RAB2B: variants seen among roughly 807,000 people sequenced by gnomAD.
RAB2B encodes RAB2B, member RAS oncogene family.
A neutral mutation model predicts 29.8 loss-of-function variants in RAB2B; 20 were observed. The ratio of observed to expected loss-of-function variants is 0.67; its 90% confidence interval spans 0.47 to 0.97. The LOEUF (loss-of-function observed/expected upper bound fraction) is 0.97, where lower values mean the gene tolerates loss of function less well. RAB2B is among the 50% of genes least tolerant of loss of function. The pLI is 0.00. For missense variants in RAB2B, 218 were observed against 272.0 expected, an observed-to-expected ratio of 0.80 and a Z score of 1.40; for synonymous variants, 93 against 91.7, an observed-to-expected ratio of 1.01 and a Z score of -0.08.
Position 21,460,486 on chromosome 14 carries a change from G to A in RAB2B, c.*710C>T. ...TGTAGTCCCAGCTACTCGGGAGGTT[G>A]AGGCAGGAGAACTGCTTGAACCTGG... On this transcript the variant is annotated 3_prime_UTR_variant, in exon 8 of 8. Coordinates refer to ENST00000397762, the MANE Select transcript of RAB2B (RefSeq NM_032846.4). 1.4e-5 allele frequency: 4 copies of A among 292,158 alleles called. No individual in the cohort carries two copies. The highest frequency in any genetic ancestry group is 2.1e-5 in the Non-Finnish European group (3 of 146,068). The allele number at this position is 292,158 out of a possible 1,614,324, so 18.1% of individuals were successfully genotyped here.
intron 3 of RAB2B, among the ~76,000 whole-genome samples, chr14:21,472,409 A>T (rs1198306576): frequency 6.6e-6 from 1 of 152,214 alleles, no homozygotes; most frequent in East Asian, 1.9e-4. Context: ...ATGGGTTTGG[A>T]AGTAAGTGAG....
intron 3 of RAB2B, among the ~76,000 whole-genome samples, chr14:21,474,328 C>G (rs1890894411): frequency 6.6e-6 from 1 of 152,176 alleles, no homozygotes; most frequent in Admixed American, 6.5e-5. Context: ...AGGAATGAGA[C>G]AGATCTATAT....
intron 5 of RAB2B, among the ~76,000 whole-genome samples, chr14:21,464,751 C>T (rs1215588327): frequency 6.6e-6 from 1 of 152,192 alleles, no homozygotes; most frequent in African/African-American, 2.4e-5. Flanking sequence ...TGCCTATAAT[C>T]CCAGCACTGT....
chr14:21,461,894 T>C (rs1251961175), intron 7 of RAB2B, among the ~76,000 whole-genome samples: 1 of 152,168 alleles, frequency 6.6e-6, no homozygotes, highest in East Asian at 1.9e-4. Context: ...TAAGGGACAA[T>C]GTTATACTTA....
intron 3 of RAB2B, among the ~76,000 whole-genome samples, chr14:21,469,099 A>G (rs533833420): frequency 6.6e-6 from 1 of 151,768 alleles, no homozygotes; most frequent in South Asian, 2.1e-4. Context: ...ACATTTCCCA[A>G]TATCCTCATA....
In RAB2B at chr14:21,460,180, G is replaced by T. The variant is rs770592758; in HGVS notation, c.*1016C>A. ...GAAGAAAAAAACTCAATGAAATTCC[G>T]AGGCAGAGGATCTATCAACCAAAGG... On this transcript the variant is annotated 3_prime_UTR_variant, in exon 8 of 8. Transcript: ENST00000397762. The T allele has an allele frequency of 1.9e-6, 1 of 518,970 alleles. No homozygotes were observed. Among genetic ancestry groups the T allele is most frequent in the Middle Eastern group, 3.2e-4 (1 of 3,146 alleles). The allele number at this position is 518,970 out of a possible 1,614,324, so 32.1% of individuals were successfully genotyped here.
At chr14:21,471,251 A>C (rs1890806263) in intron 3 of RAB2B, among the ~76,000 whole-genome samples, 1 of 151,998 alleles carries the variant, frequency 6.6e-6, no homozygotes. Context: ...AGTAAGCTAG[A>C]AAGAGTGAGC....
chr14:21,460,359 G>T lies in RAB2B; in HGVS notation c.*837C>A, dbSNP rs747400043. On this transcript the variant is annotated 3_prime_UTR_variant, in exon 8 of 8. Transcript: ENST00000397762. Reference sequence around the variant, plus strand: ...TCCAGCACTTTGGGAGGCCAAGGTGGGCGGATCACGAGGTCAAGAGATCAA... The same window carrying T: ...TCCAGCACTTTGGGAGGCCAAGGTGTGCGGATCACGAGGTCAAGAGATCAA... 4.0e-6 allele frequency: 2 copies of T among 501,256 alleles called. No homozygotes were observed. The allele number at this position is 501,256 out of a possible 1,614,324, so 31.1% of individuals were successfully genotyped here. A position where few individuals can be genotyped will look rare whatever the true frequency, so the allele number is the denominator to read the frequency against.
At chr14:21,462,554 G>T in intron 6 of RAB2B, 136 bp from the exon 7 acceptor site, 1 of 831,882 alleles carries the variant, frequency 1.2e-6, no homozygotes, top group Non-Finnish European at 1.7e-6. Flanking sequence ...AAACATAGAA[G>T]GTCGGTTGGG....
chr14:21,470,285 G>A lies in RAB2B; in HGVS notation c.187-1533C>T, dbSNP rs576304068. Among the ~76,000 whole-genome samples, 189 of 152,152 alleles carry A rather than the reference G, an allele frequency of 1.2e-3. 1 individual carries two copies. The highest frequency in any genetic ancestry group is 4.5e-3 in the African/African-American group (186 of 41,518). ...TCCTTTTAAAAATGGGGAAAATGAG[G>A]CTCACACAAGTTTAATAAACGGCCC... On this transcript the variant is annotated intron_variant, in intron 3 of 7. Coordinates refer to ENST00000397762, the MANE Select transcript of RAB2B (RefSeq NM_032846.4).
chr14:21,462,199 AT>A (rs1878146694), intron 7 of RAB2B, 150 bp downstream of exon 7: 6 of 552,710 alleles, frequency 1.1e-5, no homozygotes, highest in East Asian at 3.4e-5. Flanking sequence ...GTGTACCTAG[AT>A]TTAAAAAAAA....
rs982255494 is a variant in RAB2B at position 21,459,644 on chromosome 14, T to G, written c.*1552A>C. The stretch of plus-strand genomic sequence containing the variant: ...ATAGTAACATACATAAAAATAAATA[T>G]ACATATAAATAGACATATGAATAAC... On this transcript the variant is annotated 3_prime_UTR_variant, in exon 8 of 8. Coordinates refer to ENST00000397762, the MANE Select transcript of RAB2B (RefSeq NM_032846.4). The G allele has an allele frequency of 1.3e-5, 2 of 152,222 alleles. No individual in the cohort carries two copies. The highest frequency in any genetic ancestry group is 6.5e-5 in the Admixed American group (1 of 15,268). 9.4% of individuals were successfully genotyped at this position (152,222 alleles called of 1,614,324 possible).
rs1594411885 is a variant in RAB2B, at chr14:21,468,574, G to A, written c.269+96C>T. The A allele has an allele frequency of 3.0e-5, 37 of 1,238,332 alleles. No homozygotes were observed. In the East Asian group the frequency reaches 8.0e-4, roughly 27 times the overall value. The allele number at this position is 1,238,332 out of a possible 1,614,324, so 76.7% of individuals were successfully genotyped here. A position where few individuals can be genotyped will look rare whatever the true frequency, so the allele number is the denominator to read the frequency against. The stretch of plus-strand genomic sequence containing the variant: ...AAAAATATTAGAGAGGCCATTCCTA[G>A]TTAACATCCTTAACAGAATCAGTAG... On this transcript the variant is annotated intron_variant, in intron 4 of 7. Coordinates refer to ENST00000397762, the MANE Select transcript of RAB2B (RefSeq NM_032846.4).
At chr14:21,464,922 G>A (rs914221009) in intron 5 of RAB2B, among the ~76,000 whole-genome samples, 10 of 151,994 alleles carry the variant, frequency 6.6e-5, no homozygotes, top group African/African-American at 2.4e-4. Context: ...AGGATCTCTT[G>A]AGCCCTGGAA....
intron 6 of RAB2B, among the ~76,000 whole-genome samples, chr14:21,463,218 TGTA>T (rs1257776063): frequency 6.6e-6 from 1 of 151,608 alleles, no homozygotes; most frequent in Admixed American, 6.6e-5. Flanking sequence ...GAATGAGACA[TGTA>T]GTCACTACGA....
In RAB2B at chr14:21,461,034, G is replaced by A. The variant is rs1240818149; in HGVS notation, c.*162C>T. The A allele has an allele frequency of 1.8e-6, 1 of 559,132 alleles. No homozygotes were observed. The highest frequency in any genetic ancestry group is 3.2e-6 in the Non-Finnish European group (1 of 309,972). 34.6% of individuals were successfully genotyped at this position (559,132 alleles called of 1,614,324 possible). ...ATGCTCATGTCCCTGAAGGAGGACA[G>A]GTCAGTAAGGGCCCAAATTCTCTCC... is the stretch of plus-strand genomic sequence containing the variant. On this transcript the variant is annotated 3_prime_UTR_variant, in exon 8 of 8. Coordinates refer to ENST00000397762, the MANE Select transcript of RAB2B (RefSeq NM_032846.4).
chr14:21,476,899 C>T lies in RAB2B; in HGVS notation c.-27G>A. On this transcript the variant is annotated 5_prime_UTR_variant, in exon 1 of 8. Coordinates refer to ENST00000397762, the MANE Select transcript of RAB2B (RefSeq NM_032846.4). Reference sequence around the variant, plus strand: ...GTGTCGCGTCCTCTGGGTTCCGGGTCCGCCCGACTTCTATAGCCACTTACC... The same window carrying T: ...GTGTCGCGTCCTCTGGGTTCCGGGTTCGCCCGACTTCTATAGCCACTTACC... 6.2e-7 allele frequency: 1 copy of T among 1,612,756 alleles called. No individual in the cohort carries two copies. The highest frequency in any genetic ancestry group is 8.5e-7 in the Non-Finnish European group (1 of 1,179,842).
intron 4 of RAB2B, 93 bp downstream of exon 4, chr14:21,468,577 A>C: frequency 7.8e-7 from 1 of 1,277,410 alleles, no homozygotes; most frequent in Non-Finnish European, 1.1e-6. Context: ...ATTCCTAGTT[A>C]ACATCCTTAA....
intron 3 of RAB2B, among the ~76,000 whole-genome samples, chr14:21,470,200 G>T (rs976524879): frequency 2.6e-5 from 4 of 151,864 alleles, no homozygotes; most frequent in African/African-American, 7.3e-5. Flanking sequence ...TGACCCACCC[G>T]CCTCGGCCTC....
Sources: allele counts gnomAD v4.1 joint callset (sites outside exome capture counted in the v4.1 genomes callset), GRCh38; gene constraint gnomAD v4.1.1; transcripts MANE v1.5; gene names NCBI Gene and HGNC (gene_info 2026-07-23, HGNC 2026-07-21).